MUSK: variants seen among roughly 807,000 people sequenced by gnomAD.
MUSK encodes the protein muscle, skeletal receptor tyrosine-protein kinase.
In MUSK, 55 loss-of-function variants were observed where a neutral mutation model predicts 88.7. That is an observed-to-expected ratio of 0.62 (90% CI 0.50 to 0.78). The LOEUF (loss-of-function observed/expected upper bound fraction) is 0.78, where lower values mean the gene tolerates loss of function less well. MUSK is among the 30% of genes least tolerant of loss of function. The pLI, the probability that MUSK is intolerant of heterozygous loss-of-function variation, is 0.00. For missense variants in MUSK, 1,015 were observed against 1,074.3 expected, an observed-to-expected ratio of 0.94 and a Z score of 0.77; for synonymous variants, 387 against 391.9, an observed-to-expected ratio of 0.99 and a Z score of 0.15.
chr9:110,717,232 T>C (rs2076755989), intron 5 of MUSK, among the ~76,000 whole-genome samples: 1 of 149,736 alleles, frequency 6.7e-6, no homozygotes, highest in Non-Finnish European at 1.5e-5. Context: ...ATTTTTTTAA[T>C]TCTCCACTTT....
intron 4 of MUSK, 31 bp from the exon 5 acceptor site, chr9:110,697,294 A>G (rs1251760565): frequency 3.1e-6 from 5 of 1,611,726 alleles, no homozygotes; most frequent in Non-Finnish European, 4.2e-6. Context: ...ACCCATAAAC[A>G]TTTTTGAATT....
chr9:110,687,342 AT>A (rs111875117), intron 3 of MUSK, 74 bp downstream of exon 3: 6,432 of 1,375,554 alleles, frequency 4.7e-3, no homozygotes, highest in South Asian at 7.2e-3. Flanking sequence ...TATTTTTTAC[AT>A]TTTTTTTTTG....
chr9:110,784,889 T>C lies in MUSK; in HGVS notation c.1459T>C (p.Ser487Pro), dbSNP rs767339099. 1.9e-6 allele frequency: 3 copies of C among 1,613,798 alleles called. No homozygotes were observed. The South Asian group carries it at 3.3e-5, about 18-fold the overall frequency. Residue 487 changes from serine (S) to proline (P), a missense_variant, in exon 12 of 15, where the codon TCT becomes CCT. Transcript: ENST00000374448. ...GCCTTCCTCCTCCTCTTCTTCCTTC[T>C]CTGTCTCACCTACATACTCCATGAC... The part of the protein sequence containing the change: ...NLPSSSSSSF[S>P]VSPTYSMTVI...
intron 11 of MUSK, among the ~76,000 whole-genome samples, chr9:110,780,941 T>C (rs889355980): frequency 1.3e-5 from 2 of 152,182 alleles, no homozygotes; most frequent in Non-Finnish European, 2.9e-5. Flanking sequence ...ACCTTTCTAA[T>C]GCAAAAAGTT....
intron 7 of MUSK, among the ~76,000 whole-genome samples, chr9:110,760,593 GAA>G: frequency 6.9e-6 from 1 of 145,396 alleles, no homozygotes; most frequent in African/African-American, 2.5e-5. Flanking sequence ...AGAGGATTAG[GAA>G]AAAAAAAAAT....
Position 110,734,241 on chromosome 9 carries a change from T to C in MUSK, c.629-10T>C, listed in dbSNP as rs753538572. The C allele has an allele frequency of 7.5e-6, 12 of 1,608,406 alleles. No homozygotes were observed. Among genetic ancestry groups the C allele is most frequent in the Non-Finnish European group, 1.0e-5 (12 of 1,177,052 alleles). ...AGGAGCGTCACTCACCACTTCTGTC[T>C]TCCTAACAGTTTTTGCCAGGATCCT... On this transcript the variant is annotated splice_polypyrimidine_tract_variant and intron_variant, in intron 5 of 14. Coordinates refer to ENST00000374448, the MANE Select transcript of MUSK (RefSeq NM_005592.4).
chr9:110,681,622 G>A (rs543466726), intron 1 of MUSK, among the ~76,000 whole-genome samples: 8 of 152,062 alleles, frequency 5.3e-5, no homozygotes, highest in Admixed American at 1.3e-4. Flanking sequence ...AAACTGAATC[G>A]TAAAAGACAA....
At chr9:110,700,701 A>G (rs1013323836) in intron 5 of MUSK, among the ~76,000 whole-genome samples, 2 of 152,198 alleles carry the variant, frequency 1.3e-5, no homozygotes, top group Non-Finnish European at 2.9e-5. Flanking sequence ...TTGAACATAC[A>G]TAAGAGAACA....
chr9:110,712,058 T>C (rs2076678736), intron 5 of MUSK, among the ~76,000 whole-genome samples: 1 of 151,950 alleles, frequency 6.6e-6, no homozygotes, highest in Non-Finnish European at 1.5e-5. Flanking sequence ...TCCTGATCTA[T>C]AAATGGGTCT....
intron 5 of MUSK, among the ~76,000 whole-genome samples, chr9:110,723,866 A>G (rs559803770): frequency 6.6e-6 from 1 of 152,158 alleles, no homozygotes; most frequent in African/African-American, 2.4e-5. Context: ...ATGTCTTCAA[A>G]TATAACCTCT....
chr9:110,704,183 G>A (rs2076566753), intron 5 of MUSK, among the ~76,000 whole-genome samples: 1 of 152,184 alleles, frequency 6.6e-6, no homozygotes, highest in Non-Finnish European at 1.5e-5. Context: ...TTGCACAAGT[G>A]TATGTTCAAG....
chr9:110,698,973 CAA>C (rs1182772611), intron 5 of MUSK, among the ~76,000 whole-genome samples: 2 of 152,078 alleles, frequency 1.3e-5, no homozygotes, highest in Non-Finnish European at 2.9e-5. Context: ...TAAAATATCA[CAA>C]AGAGTTTTTC....
intron 5 of MUSK, among the ~76,000 whole-genome samples, chr9:110,729,656 G>T (rs1369336038): frequency 4.6e-5 from 7 of 151,778 alleles, no homozygotes; most frequent in Non-Finnish European, 1.0e-4. Flanking sequence ...AGTCATTGCT[G>T]GTTTGAATCA....
intron 8 of MUSK, among the ~76,000 whole-genome samples, chr9:110,764,699 T>C (rs183512306): frequency 4.6e-5 from 7 of 152,254 alleles, no homozygotes; most frequent in Non-Finnish European, 5.9e-5. Context: ...AGCACTGATA[T>C]AATACCAAAG....
At chr9:110,740,298 C>T (rs778758608) in intron 6 of MUSK, among the ~76,000 whole-genome samples, 2 of 151,982 alleles carry the variant, frequency 1.3e-5, no homozygotes, top group African/African-American at 2.4e-5. Context: ...AGCTGGAAGT[C>T]CAAGGTCAAG....
chr9:110,711,795 T>G (rs929931967), intron 5 of MUSK, among the ~76,000 whole-genome samples: 2 of 152,214 alleles, frequency 1.3e-5, no homozygotes, highest in Non-Finnish European at 2.9e-5. Flanking sequence ...TCTTTGAGAT[T>G]CTTTTTAATC....
intron 9 of MUSK, among the ~76,000 whole-genome samples, chr9:110,769,560 T>G (rs2077537950): frequency 6.6e-6 from 1 of 152,180 alleles, no homozygotes. Flanking sequence ...CTGATGCTAT[T>G]TCAACTGTCC....
chr9:110,798,447 G>A (rs1405046863), intron 14 of MUSK, among the ~76,000 whole-genome samples: 1 of 152,138 alleles, frequency 6.6e-6, no homozygotes, highest in Non-Finnish European at 1.5e-5. Flanking sequence ...GGAATATTCT[G>A]GCAGTGGAGC....
chr9:110,758,941 A>C (rs1168666685), intron 7 of MUSK, among the ~76,000 whole-genome samples: 1 of 152,206 alleles, frequency 6.6e-6, no homozygotes, highest in Non-Finnish European at 1.5e-5. Context: ...CTGCTATCAA[A>C]CAACCAACGA....
Sources: gnomAD v4.1 joint callset for allele counts (sites outside exome capture counted in the v4.1 genomes callset) on GRCh38, gnomAD v4.1.1 for gene constraint, MANE v1.5 for transcripts, NCBI Gene and HGNC (gene_info 2026-07-23, HGNC 2026-07-21) for gene names.